TMEM184C: variants seen among roughly 807,000 people sequenced by gnomAD.
TMEM184C encodes transmembrane protein 34.
TMEM184C carries 25 observed loss-of-function variants against 54.5 expected under a neutral mutation model. That is an observed-to-expected ratio of 0.46 (90% CI 0.33 to 0.64). The LOEUF is 0.64. TMEM184C is among the 30% of genes least tolerant of loss of function. TMEM184C has a pLI of 0.02. For missense variants in TMEM184C, 335 were observed against 520.3 expected, an observed-to-expected ratio of 0.64 and a Z score of 3.46; for synonymous variants, 148 against 181.5, an observed-to-expected ratio of 0.82 and a Z score of 1.49.
intron 1 of TMEM184C, among the ~76,000 whole-genome samples, chr4:147,620,590 G>A (rs149017930): frequency 8.0e-4 from 122 of 152,302 alleles, no homozygotes; most frequent in African/African-American, 2.4e-3. Context: ...TTATGGCCCC[G>A]GTAAGGATAG....
At position 147,633,008 on chromosome 4, in the gene TMEM184C, T is replaced by C. The variant is rs915821418; in HGVS notation, c.879+6T>C. On this transcript the variant is annotated splice_donor_region_variant and intron_variant, in intron 8 of 9. Coordinates refer to ENST00000296582, the MANE Select transcript of TMEM184C (RefSeq NM_018241.3). ...CTGTGGCCACCGGACTCCAGGTAAG[T>C]AGTGCCATCTCTGAATTCAATAGAA... 24 of 1,609,240 alleles carry C rather than the reference T, an allele frequency of 1.5e-5. No individual in the cohort carries two copies. The highest frequency in any genetic ancestry group is 1.9e-5 in the Non-Finnish European group (22 of 1,176,336).
intron 4 of TMEM184C, among the ~76,000 whole-genome samples, chr4:147,625,804 G>T (rs918309605): frequency 1.3e-5 from 2 of 152,158 alleles, no homozygotes; most frequent in African/African-American, 4.8e-5. Context: ...AGACAGAACC[G>T]ATTCATCAAG....
rs761815426 is a variant in TMEM184C, at chr4:147,628,359, A to C, written c.498-2A>C. The stretch of plus-strand genomic sequence containing the variant: ...AAATTCTAAGTTCTTTTTCTTTTGC[A>C]GAGTATTGCTGTTTAGGTGCAAACT... On this transcript the variant is annotated splice_acceptor_variant, in intron 4 of 9. Coordinates refer to ENST00000296582, the MANE Select transcript of TMEM184C (RefSeq NM_018241.3). LOFTEE classifies it high-confidence loss of function. The C allele has an allele frequency of 6.2e-7, 1 of 1,604,572 alleles. No individual in the cohort carries two copies. Among genetic ancestry groups the C allele is most frequent in the Non-Finnish European group, 8.5e-7 (1 of 1,177,484 alleles).
chr4:147,621,968 CT>C (rs957699232), intron 1 of TMEM184C, among the ~76,000 whole-genome samples: 3 of 140,146 alleles, frequency 2.1e-5, no homozygotes, highest in Non-Finnish European at 4.5e-5. Context: ...CTTGGCAATA[CT>C]TTTTTTTCTT....
chr4:147,634,723 A>C lies in TMEM184C; in HGVS notation c.*289A>C. On this transcript the variant is annotated 3_prime_UTR_variant, in exon 10 of 10. Transcript: ENST00000296582. ...GATGTTACACTGCTTTATCAAGAGG[A>C]TGGACTTTTTTTTTTTTGAGACAGA... 1 of 173,132 alleles carries C rather than the reference A, an allele frequency of 5.8e-6. No homozygotes were observed. Among genetic ancestry groups the C allele is most frequent in the Non-Finnish European group, 1.0e-5 (1 of 100,248 alleles). The allele number at this position is 173,132 out of a possible 1,614,324, so 10.7% of individuals were successfully genotyped here.
At chr4:147,625,465 T>TA (rs1732797530) in intron 4 of TMEM184C, among the ~76,000 whole-genome samples, 1 of 152,234 alleles carries the variant, frequency 6.6e-6, no homozygotes, top group African/African-American at 2.4e-5. Flanking sequence ...CATTAAAACT[T>TA]ATGTCATTTC....
chr4:147,620,125 C>T (rs186315449), intron 1 of TMEM184C, among the ~76,000 whole-genome samples: 1 of 152,162 alleles, frequency 6.6e-6, no homozygotes, highest in Admixed American at 6.5e-5. Context: ...CCTTTATGTT[C>T]TTCAGGTCTT....
intron 4 of TMEM184C, 79 bp downstream of exon 4, chr4:147,625,088 C>A: frequency 7.6e-7 from 1 of 1,319,624 alleles, no homozygotes; most frequent in Non-Finnish European, 1.1e-6. Flanking sequence ...CAGCTCTTTA[C>A]AAGGCAGTGC....
chr4:147,623,267 C>T (rs1175138621), intron 1 of TMEM184C, among the ~76,000 whole-genome samples: 1 of 151,754 alleles, frequency 6.6e-6, no homozygotes, highest in Non-Finnish European at 1.5e-5. Flanking sequence ...GCCAACAGGG[C>T]GAAACCCCAT....
intron 4 of TMEM184C, among the ~76,000 whole-genome samples, chr4:147,626,269 A>G (rs957285924): frequency 6.6e-6 from 1 of 152,202 alleles, no homozygotes; most frequent in African/African-American, 2.4e-5. Context: ...GCTTTGGGGC[A>G]GGGCTATTTC....
chr4:147,623,758 A>C (rs1353547839), intron 1 of TMEM184C, 76 bp from the exon 2 acceptor site: 18 of 1,442,858 alleles, frequency 1.2e-5, no homozygotes, highest in Non-Finnish European at 1.6e-5. Context: ...GATTATAGGC[A>C]CAAGGCACTG....
rs879036196 is a variant in TMEM184C at position 147,631,593 on chromosome 4, C to A, written c.779+88C>A. On this transcript the variant is annotated intron_variant, in intron 7 of 9. Coordinates refer to ENST00000296582, the MANE Select transcript of TMEM184C (RefSeq NM_018241.3). Reference sequence around the variant, plus strand: ...GGAGGATTTTTAAACAGTCTTAATGCGGAAGATAGATTAAAATGTCTCTAC... The same window carrying A: ...GGAGGATTTTTAAACAGTCTTAATGAGGAAGATAGATTAAAATGTCTCTAC... 8.6e-5 allele frequency: 76 copies of A among 888,380 alleles called. No individual in the cohort carries two copies. The South Asian group carries it at 9.8e-4, about 11-fold the overall frequency. 55.0% of individuals were successfully genotyped at this position (888,380 alleles called of 1,614,324 possible).
At chr4:147,618,177 A>G in intron 1 of TMEM184C, 98 bp downstream of exon 1, 2 of 1,546,800 alleles carry the variant, frequency 1.3e-6, no homozygotes, top group Non-Finnish European at 1.8e-6. Context: ...GACAGTCCTG[A>G]AAACCATCTA....
chr4:147,626,017 T>C (rs576225184), intron 4 of TMEM184C, among the ~76,000 whole-genome samples: 22 of 152,148 alleles, frequency 1.4e-4, no homozygotes, highest in African/African-American at 5.1e-4. Flanking sequence ...TGTCCACTTA[T>C]ACTGAGTCAG....
chr4:147,628,510 A>G, intron 5 of TMEM184C, 75 bp downstream of exon 5: 1 of 1,202,176 alleles, frequency 8.3e-7, no homozygotes, highest in Non-Finnish European at 1.2e-6. Flanking sequence ...AGTAGAAAAC[A>G]TAGTGTTAAT....
intron 7 of TMEM184C, among the ~76,000 whole-genome samples, chr4:147,632,153 C>T (rs1560954898): frequency 7.1e-6 from 1 of 141,814 alleles, no homozygotes; most frequent in Non-Finnish European, 1.5e-5. Context: ...AGCCTGGGCA[C>T]CAGAGTGAAA....
intron 1 of TMEM184C, among the ~76,000 whole-genome samples, chr4:147,619,714 C>T (rs1165377803): frequency 6.6e-6 from 1 of 152,168 alleles, no homozygotes; most frequent in African/African-American, 2.4e-5. Flanking sequence ...TTTAAGACTT[C>T]TCTTAGTTGT....
intron 1 of TMEM184C, among the ~76,000 whole-genome samples, chr4:147,621,376 C>G (rs1353741330): frequency 6.6e-6 from 1 of 151,950 alleles, no homozygotes; most frequent in African/African-American, 2.4e-5. Context: ...TAAAGTTACC[C>G]ATGAAAAAAA....
At chr4:147,632,692 A>G (rs1213981015) in intron 7 of TMEM184C, 1 of 482,296 alleles carries the variant, frequency 2.1e-6, no homozygotes, top group Non-Finnish European at 3.7e-6. Flanking sequence ...GCTCAGCTTG[A>G]CTCCCTATCT....
Sources: allele counts gnomAD v4.1 joint callset (sites outside exome capture counted in the v4.1 genomes callset), GRCh38; gene constraint gnomAD v4.1.1; transcripts MANE v1.5; gene names NCBI Gene and HGNC (gene_info 2026-07-23, HGNC 2026-07-21).